ROBO2: variants seen among roughly 807,000 people sequenced by gnomAD.
ROBO2 encodes the protein roundabout homolog 2.
In ROBO2, 53 loss-of-function variants were observed where a neutral mutation model predicts 160.8. That is an observed-to-expected ratio of 0.33 (90% CI 0.26 to 0.41). The LOEUF (loss-of-function observed/expected upper bound fraction) is 0.41. Among genes scored for constraint, ROBO2 ranks in the 10% least tolerant of loss-of-function variants. The probability of loss-of-function intolerance (pLI) is 1.00; values close to 1 mark genes in which losing one functional copy is unlikely to be tolerated. For missense variants in ROBO2, 1,577 were observed against 1,722.4 expected, an observed-to-expected ratio of 0.92 and a Z score of 1.49; for synonymous variants, 664 against 611.7, an observed-to-expected ratio of 1.09 and a Z score of -1.26.
chr3:77,604,989 A>C (rs1305324603), intron 20 of ROBO2, among the ~76,000 whole-genome samples: 1 of 151,798 alleles, frequency 6.6e-6, no homozygotes, highest in Non-Finnish European at 1.5e-5. Context: ...AACATGGTGA[A>C]ACCCCATCTC....
intron 2 of ROBO2, among the ~76,000 whole-genome samples, chr3:76,502,965 C>T (rs1012061340): frequency 6.6e-6 from 1 of 151,760 alleles, no homozygotes; most frequent in African/African-American, 2.4e-5. Context: ...TCAGGGTTCT[C>T]TTAGAGGGAC....
At chr3:77,401,376 T>C (rs1030760680) in intron 2 of ROBO2, among the ~76,000 whole-genome samples, 1 of 152,144 alleles carries the variant, frequency 6.6e-6, no homozygotes, top group African/African-American at 2.4e-5. Flanking sequence ...TACAGCTATA[T>C]TTTAAACTTT....
At chr3:76,341,946 A>G (rs2074254247) in intron 2 of ROBO2, among the ~76,000 whole-genome samples, 1 of 152,108 alleles carries the variant, frequency 6.6e-6, no homozygotes, top group South Asian at 2.1e-4. Context: ...TTTCCTATCC[A>G]CTTATAGTTA....
intron 4 of ROBO2, among the ~76,000 whole-genome samples, chr3:77,485,888 T>G (rs2085293987): frequency 6.6e-6 from 1 of 152,100 alleles, no homozygotes; most frequent in African/African-American, 2.4e-5. Flanking sequence ...ATCACCTAGG[T>G]ATTAGGTCCC....
intron 16 of ROBO2, 21 bp downstream of exon 17, chr3:77,580,139 T>A: frequency 1.2e-6 from 2 of 1,612,824 alleles, no homozygotes; most frequent in Non-Finnish European, 1.7e-6. Flanking sequence ...AACTATGTGG[T>A]CTGTGCTTTA....
intron 1 of ROBO2, among the ~76,000 whole-genome samples, chr3:77,047,406 A>G (rs2149666029): frequency 6.6e-6 from 1 of 152,240 alleles, no homozygotes; most frequent in Middle Eastern, 3.4e-3. Context: ...ATATATAGGC[A>G]GGGCATGGTG....
intron 2 of ROBO2, among the ~76,000 whole-genome samples, chr3:76,781,131 T>C (rs187326372): frequency 8.6e-5 from 13 of 150,760 alleles, no homozygotes; most frequent in African/African-American, 3.2e-4. Context: ...CTCTCTTACC[T>C]CCTTGGTTAA....
At chr3:77,592,599 T>C (rs1304648469) in intron 17 of ROBO2, among the ~76,000 whole-genome samples, 1 of 152,162 alleles carries the variant, frequency 6.6e-6, no homozygotes, top group African/African-American at 2.4e-5. Context: ...TAGCCCAGAC[T>C]GGAGTGCAGT....
intron 1 of ROBO2, among the ~76,000 whole-genome samples, chr3:77,095,347 G>A (rs1451582128): frequency 6.6e-6 from 1 of 151,918 alleles, no homozygotes; most frequent in Non-Finnish European, 1.5e-5. Context: ...AAATAGCTTA[G>A]CTATTTTTTC....
intron 2 of ROBO2, among the ~76,000 whole-genome samples, chr3:76,188,313 G>T (rs1701855532): frequency 6.6e-6 from 1 of 151,952 alleles, no homozygotes; most frequent in African/African-American, 2.4e-5. Flanking sequence ...TTAAGAAGGA[G>T]AAATTTGAAC....
chr3:76,882,310 C>T (rs775094582), intron 2 of ROBO2, among the ~76,000 whole-genome samples: 9 of 152,084 alleles, frequency 5.9e-5, no homozygotes, highest in East Asian at 1.9e-4. Context: ...AAACAAGTAT[C>T]TGGCAATCTC....
intron 2 of ROBO2, among the ~76,000 whole-genome samples, chr3:76,524,846 A>T (rs1254250656): frequency 1.4e-5 from 2 of 144,766 alleles, no homozygotes; most frequent in Non-Finnish European, 3.0e-5. Context: ...AAAAAAAAAA[A>T]AAAAAAAAAA....
At chr3:77,379,155 T>C (rs901884044) in intron 2 of ROBO2, among the ~76,000 whole-genome samples, 1 of 151,950 alleles carries the variant, frequency 6.6e-6, no homozygotes, top group East Asian at 1.9e-4. Context: ...ACCATGTTGG[T>C]CAGGTTTGTC....
chr3:76,239,615 T>C (rs1335102941), intron 2 of ROBO2, among the ~76,000 whole-genome samples: 1 of 152,194 alleles, frequency 6.6e-6, no homozygotes, highest in Non-Finnish European at 1.5e-5. Context: ...ATTTGAGTAC[T>C]AATGAGAATG....
chr3:77,116,021 T>G (rs538415238), intron 2 of ROBO2, among the ~76,000 whole-genome samples: 1 of 152,298 alleles, frequency 6.6e-6, no homozygotes, highest in African/African-American at 2.4e-5. Context: ...CAAGTGTGAA[T>G]AAACAAGTTC....
At chr3:77,291,614 AT>A (rs1246258299) in intron 2 of ROBO2, among the ~76,000 whole-genome samples, 2 of 151,666 alleles carry the variant, frequency 1.3e-5, no homozygotes, top group African/African-American at 4.9e-5. Flanking sequence ...ATAAAGTAAA[AT>A]TGACGGTTAA....
At chr3:77,330,938 T>A (rs1003620091) in intron 2 of ROBO2, among the ~76,000 whole-genome samples, 1 of 152,214 alleles carries the variant, frequency 6.6e-6, no homozygotes, top group Non-Finnish European at 1.5e-5. Flanking sequence ...TTGATTGACT[T>A]GATTCATCCA....
At chr3:77,296,166 A>C (rs888599164) in intron 2 of ROBO2, among the ~76,000 whole-genome samples, 17 of 151,504 alleles carry the variant, frequency 1.1e-4, no homozygotes, top group Middle Eastern at 3.4e-3. Flanking sequence ...TAAACGAGTA[A>C]GCTGAGGCTA....
chr3:76,210,975 G>A (rs1172213214), intron 2 of ROBO2, among the ~76,000 whole-genome samples: 1 of 152,086 alleles, frequency 6.6e-6, no homozygotes, highest in Non-Finnish European at 1.5e-5. Flanking sequence ...ATTTACTCAT[G>A]AGGAAATTAA....
Sources: allele counts gnomAD v4.1 joint callset (sites outside exome capture counted in the v4.1 genomes callset), GRCh38; gene constraint gnomAD v4.1.1; transcripts MANE v1.5; gene names NCBI Gene and HGNC (gene_info 2026-07-23, HGNC 2026-07-21).